The following EIF4G3 variants were observed in gnomAD, a reference collection of about 807,000 sequenced individuals.
EIF4G3 encodes eIF-4-gamma 3.
Under a neutral mutation model 186.4 loss-of-function variants are expected in EIF4G3, and 34 were observed. The ratio of observed to expected loss-of-function variants is 0.18; its 90% CI spans 0.14 to 0.24. The LOEUF (loss-of-function observed/expected upper bound fraction) is 0.24, where lower values mean the gene tolerates loss of function less well. EIF4G3 is among the 10% of genes least tolerant of loss of function. EIF4G3 has a pLI of 1.00. For synonymous variants in EIF4G3, 673 were observed against 679.5 expected, an observed-to-expected ratio of 0.99 and a Z score of 0.15; for missense variants, 1,536 against 1,948.5, an observed-to-expected ratio of 0.79 and a Z score of 3.99.
intron 1 of EIF4G3, 103 bp downstream of exon 1, chr1:21,176,619 C>G: frequency 4.3e-6 from 1 of 235,150 alleles, no homozygotes. Flanking sequence ...CCGGCAGCAG[C>G]AGCCGCCCCG....
chr1:20,811,011 A>ATG, intron 35 of EIF4G3, 127 bp from the exon 36 acceptor site: 1 of 882,270 alleles, frequency 1.1e-6, no homozygotes. Context: ...GTGCAGTGGC[A>ATG]CAATCTAAGC....
intron 4 of EIF4G3, among the ~76,000 whole-genome samples, chr1:21,011,532 T>C (rs1338694572): frequency 1.3e-5 from 2 of 152,216 alleles, no homozygotes; most frequent in African/African-American, 4.8e-5. Flanking sequence ...CATGCACATC[T>C]GTGTGTATAT....
intron 2 of EIF4G3, among the ~76,000 whole-genome samples, chr1:21,150,869 G>A (rs4504856): frequency 0.37 from 56,112 of 151,992 alleles, 11,003 homozygotes; most frequent in Non-Finnish European, 0.43. Flanking sequence ...CCAGCTACTC[G>A]GGAGGCTGAG....
intron 33 of EIF4G3, among the ~76,000 whole-genome samples, chr1:20,818,389 A>G (rs911313327): frequency 2.0e-5 from 3 of 152,226 alleles, no homozygotes; most frequent in South Asian, 2.1e-4. Context: ...CAGTAATCCC[A>G]GCACTTTGGG....
Position 20,807,081 on chromosome 1 carries a change from CT to C in EIF4G3, c.*237del, listed in dbSNP as rs1274303224. The stretch of plus-strand genomic sequence containing the variant: ...AAAAGATTAAAACAGAAAATATTTT[CT>C]ATAAATAATACATGTATTTTGGTTT... On this transcript the variant is annotated 3_prime_UTR_variant, in exon 37 of 37. Coordinates refer to ENST00000602326, the MANE Select transcript of EIF4G3 (RefSeq NM_001391906.1). The C allele has an allele frequency of 3.4e-6, 1 of 294,448 alleles. No individual in the cohort carries two copies. Among genetic ancestry groups the C allele is most frequent in the Non-Finnish European group, 6.2e-6 (1 of 162,510 alleles). The allele number at this position is 294,448 out of a possible 1,614,324, so 18.2% of individuals were successfully genotyped here. A position where few individuals can be genotyped will look rare whatever the true frequency, so the allele number is the denominator to read the frequency against.
chr1:20,916,128 A>T (rs1558220633), intron 14 of EIF4G3, among the ~76,000 whole-genome samples: 1 of 152,182 alleles, frequency 6.6e-6, no homozygotes, highest in African/African-American at 2.4e-5. Flanking sequence ...AATTTGACAA[A>T]AGATACAAAA....
In EIF4G3 at chr1:20,961,857, A is replaced by C. The variant is rs576798119; in HGVS notation, c.714+7617T>G. Among the ~76,000 whole-genome samples the C allele has an allele frequency of 3.9e-5, 6 of 152,352 alleles. No homozygotes were observed. The East Asian group carries it at 9.6e-4, about 24-fold the overall frequency. On this transcript the variant is annotated intron_variant, in intron 12 of 36. Coordinates refer to ENST00000602326, the MANE Select transcript of EIF4G3 (RefSeq NM_001391906.1). ...GTTATTTCATTAAAGATAAAGAAAAATATAATTTAATTTAGTAACCACTAT... is the reference window on the plus strand; with the variant it reads ...GTTATTTCATTAAAGATAAAGAAAACTATAATTTAATTTAGTAACCACTAT...
chr1:20,989,550 T>TC (rs1360694544), intron 7 of EIF4G3, among the ~76,000 whole-genome samples: 1 of 42,030 alleles, frequency 2.4e-5, no homozygotes, highest in Non-Finnish European at 4.1e-5. Context: ...AGAGCAAAAC[T>TC]CCAACTCAAA....
At chr1:20,987,201 G>A (rs67853138) in intron 7 of EIF4G3, among the ~76,000 whole-genome samples, 4,183 of 152,164 alleles carry the variant, frequency 0.027, 89 homozygotes, top group Non-Finnish European at 0.038. Flanking sequence ...ATGAAATATC[G>A]TTTTTCATGA....
At chr1:20,875,001 G>A (rs184608430) in intron 20 of EIF4G3, among the ~76,000 whole-genome samples, 19 of 152,168 alleles carry the variant, frequency 1.2e-4, no homozygotes, top group Admixed American at 7.8e-4. Flanking sequence ...CCTGAGACTA[G>A]GTCTCACTCT....
chr1:20,836,389 C>G (rs987460997), intron 30 of EIF4G3, among the ~76,000 whole-genome samples: 6 of 152,106 alleles, frequency 3.9e-5, no homozygotes, highest in Admixed American at 2.0e-4. Flanking sequence ...ATTATTGGCA[C>G]GTGCCACCAT....
At chr1:20,912,139 T>C (rs749236088) in intron 14 of EIF4G3, among the ~76,000 whole-genome samples, 1 of 152,082 alleles carries the variant, frequency 6.6e-6, no homozygotes, top group Non-Finnish European at 1.5e-5. Flanking sequence ...TAGCCAGGTA[T>C]AGTGTCATGC....
chr1:20,918,301 C>G (rs1013688041), intron 14 of EIF4G3, among the ~76,000 whole-genome samples: 1 of 152,146 alleles, frequency 6.6e-6, no homozygotes, highest in Admixed American at 6.5e-5. Context: ...TCTTGAATTA[C>G]CGGGTTCAAG....
At chr1:21,160,960 C>T (rs1023073545) in intron 2 of EIF4G3, among the ~76,000 whole-genome samples, 2 of 152,042 alleles carry the variant, frequency 1.3e-5, no homozygotes, top group Non-Finnish European at 1.5e-5. Flanking sequence ...CACTTGAGGT[C>T]GGGAGTTCGT....
chr1:21,041,254 T>C (rs1163607687), intron 4 of EIF4G3, among the ~76,000 whole-genome samples: 1 of 152,166 alleles, frequency 6.6e-6, no homozygotes, highest in African/African-American at 2.4e-5. Context: ...ATCCTCCTTT[T>C]TATTTTTATT....
chr1:21,055,790 T>C (rs11579005), intron 3 of EIF4G3, among the ~76,000 whole-genome samples: 4,988 of 152,032 alleles, frequency 0.033, 267 homozygotes, highest in African/African-American at 0.11. Context: ...ATAAAAAATA[T>C]AAACCTGTAC....
At chr1:21,153,545 A>G (rs554940326) in intron 2 of EIF4G3, among the ~76,000 whole-genome samples, 2 of 152,186 alleles carry the variant, frequency 1.3e-5, no homozygotes, top group South Asian at 4.1e-4. Context: ...GCAATTTGTG[A>G]GATGCAGCTT....
chr1:20,999,268 T>C, intron 6 of EIF4G3: 1 of 310,168 alleles, frequency 3.2e-6, no homozygotes, highest in South Asian at 2.8e-5. Context: ...AACTGGCAGT[T>C]ACAGTTCTTG....
At chr1:20,924,219 T>C (rs964518372) in intron 14 of EIF4G3, among the ~76,000 whole-genome samples, 1 of 152,204 alleles carries the variant, frequency 6.6e-6, no homozygotes, top group Admixed American at 6.5e-5. Flanking sequence ...GAGTCTGTTA[T>C]TGAAATTTAA....
Sources: gnomAD v4.1 joint callset for allele counts (sites outside exome capture counted in the v4.1 genomes callset) on GRCh38, gnomAD v4.1.1 for gene constraint, MANE v1.5 for transcripts, NCBI Gene and HGNC (gene_info 2026-07-23, HGNC 2026-07-21) for gene names.